Variants in KCND2 observed in about 807,000 individuals in gnomAD.
The protein encoded by KCND2 is potassium voltage-gated channel subfamily D member 2, also known as A-type voltage-gated potassium channel KCND2.
In KCND2, 16 loss-of-function variants were observed where a neutral mutation model predicts 54.4. The observed-to-expected ratio is 0.29, with a 90% CI of 0.20 to 0.45. The LOEUF is 0.45. KCND2 is among the 20% of genes least tolerant of loss of function. The pLI, the probability that KCND2 is intolerant of heterozygous loss-of-function variation, is 1.00. For synonymous variants in KCND2, 317 were observed against 310.7 expected, an observed-to-expected ratio of 1.02 and a Z score of -0.21; for missense variants, 486 against 824.2, an observed-to-expected ratio of 0.59 and a Z score of 5.02.
At chr7:120,678,730 G>A (rs943545331) in intron 1 of KCND2, among the ~76,000 whole-genome samples, 23 of 124,986 alleles carry the variant, frequency 1.8e-4, no homozygotes, top group Non-Finnish European at 3.4e-4. Flanking sequence ...TAATGTGGGT[G>A]TGTGAGTGTA....
chr7:120,471,826 T>C (rs1802458575), intron 1 of KCND2, among the ~76,000 whole-genome samples: 1 of 152,070 alleles, frequency 6.6e-6, no homozygotes, highest in Non-Finnish European at 1.5e-5. Flanking sequence ...TATAGAGTAT[T>C]GGAGCAAACT....
chr7:120,293,842 A>G (rs529864589), intron 1 of KCND2, among the ~76,000 whole-genome samples: 1 of 152,088 alleles, frequency 6.6e-6, no homozygotes, highest in East Asian at 1.9e-4. Context: ...GTAGAAGCAC[A>G]TAGGGTCAAC....
At chr7:120,505,981 T>G (rs1352023929) in intron 1 of KCND2, among the ~76,000 whole-genome samples, 1 of 151,830 alleles carries the variant, frequency 6.6e-6, no homozygotes, top group Non-Finnish European at 1.5e-5. Flanking sequence ...TTTATTATTT[T>G]GTATTAATAA....
intron 1 of KCND2, among the ~76,000 whole-genome samples, chr7:120,548,975 T>C (rs1792075300): frequency 6.6e-6 from 1 of 152,092 alleles, no homozygotes; most frequent in Admixed American, 6.6e-5. Context: ...AATGCCTGTT[T>C]CTGTTTGGCT....
At chr7:120,596,683 C>G (rs1481401563) in intron 1 of KCND2, among the ~76,000 whole-genome samples, 1 of 152,154 alleles carries the variant, frequency 6.6e-6, no homozygotes, top group Non-Finnish European at 1.5e-5. Context: ...TAAAATCTAT[C>G]TAATAGTACC....
At chr7:120,454,140 C>T (rs1802160746) in intron 1 of KCND2, among the ~76,000 whole-genome samples, 1 of 151,892 alleles carries the variant, frequency 6.6e-6, no homozygotes, top group Admixed American at 6.6e-5. Flanking sequence ...CCTAACATCA[C>T]ACCAAGAACT....
intron 1 of KCND2, among the ~76,000 whole-genome samples, chr7:120,686,786 G>GA (rs1420787050): frequency 1.1e-4 from 17 of 152,020 alleles, no homozygotes. Context: ...AGTGTTCCTA[G>GA]AAAAAGGTCA....
chr7:120,388,610 A>G (rs1420353949), intron 1 of KCND2, among the ~76,000 whole-genome samples: 1 of 151,876 alleles, frequency 6.6e-6, no homozygotes, highest in African/African-American at 2.4e-5. Context: ...CTTTAAATCC[A>G]TGGGGGCAAA....
intron 1 of KCND2, among the ~76,000 whole-genome samples, chr7:120,482,422 G>A (rs770250198): frequency 1.9e-4 from 29 of 152,162 alleles, no homozygotes; most frequent in Non-Finnish European, 3.4e-4. Flanking sequence ...GGGATGGAAT[G>A]AATGTATTTT....
At chr7:120,388,989 A>G (rs1584758105) in intron 1 of KCND2, among the ~76,000 whole-genome samples, 1 of 151,732 alleles carries the variant, frequency 6.6e-6, no homozygotes, top group Non-Finnish European at 1.5e-5. Context: ...TGATGCATCT[A>G]CATTTTGTTG....
intron 1 of KCND2, among the ~76,000 whole-genome samples, chr7:120,723,019 C>T (rs1792687884): frequency 6.6e-6 from 1 of 152,128 alleles, no homozygotes; most frequent in African/African-American, 2.4e-5. Flanking sequence ...AGGGCAGCAG[C>T]GGTGACTAGA....
intron 1 of KCND2, among the ~76,000 whole-genome samples, chr7:120,325,182 A>G (rs1240203191): frequency 2.6e-4 from 32 of 124,550 alleles, no homozygotes; most frequent in Non-Finnish European, 4.9e-4. Context: ...GTTGCTTATC[A>G]GCTTAAGGAG....
intron 1 of KCND2, among the ~76,000 whole-genome samples, chr7:120,364,672 A>G (rs907823924): frequency 2.6e-5 from 4 of 152,052 alleles, no homozygotes; most frequent in African/African-American, 9.7e-5. Context: ...AAGAGGAAAC[A>G]TCAAGGGTAA....
chr7:120,532,806 A>G (rs979783455), intron 1 of KCND2, among the ~76,000 whole-genome samples: 3 of 152,074 alleles, frequency 2.0e-5, no homozygotes, highest in Admixed American at 2.0e-4. Flanking sequence ...AAATAGCTAT[A>G]AAATAACTAT....
intron 1 of KCND2, among the ~76,000 whole-genome samples, chr7:120,554,302 A>C (rs1474271250): frequency 1.3e-5 from 2 of 152,180 alleles, no homozygotes; most frequent in African/African-American, 4.8e-5. Flanking sequence ...CGGTTCTCAA[A>C]CATTAACTTG....
chr7:120,720,630 A>C (rs1039241052), intron 1 of KCND2, among the ~76,000 whole-genome samples: 10 of 152,114 alleles, frequency 6.6e-5, no homozygotes, highest in African/African-American at 2.4e-4. Flanking sequence ...GCAGTTGCTC[A>C]CACTCCTTTA....
chr7:120,425,471 C>T (rs1164297554), intron 1 of KCND2, among the ~76,000 whole-genome samples: 1 of 152,236 alleles, frequency 6.6e-6, no homozygotes, highest in Admixed American at 6.5e-5. Context: ...TGATGATACA[C>T]TTGTAATAAA....
At chr7:120,365,225 G>A (rs1474583879) in intron 1 of KCND2, among the ~76,000 whole-genome samples, 1 of 141,390 alleles carries the variant, frequency 7.1e-6, no homozygotes, top group African/African-American at 2.6e-5. Context: ...GAGGGAGGGA[G>A]GGAGGGAGGC....
chr7:120,529,834 G>T (rs540439509), intron 1 of KCND2, among the ~76,000 whole-genome samples: 8 of 152,224 alleles, frequency 5.3e-5, no homozygotes, highest in African/African-American at 1.7e-4. Flanking sequence ...TGTAATCCCT[G>T]TATTATGCGA....
Sources: allele counts gnomAD v4.1 joint callset (sites outside exome capture counted in the v4.1 genomes callset), GRCh38; gene constraint gnomAD v4.1.1; transcripts MANE v1.5; gene names NCBI Gene and HGNC (gene_info 2026-07-23, HGNC 2026-07-21).